The following ACAP2 variants were observed in gnomAD, a reference collection of about 807,000 sequenced individuals.
ACAP2 encodes the protein arf-GAP with coiled-coil, ANK repeat and PH domain-containing protein 2.
ACAP2 carries 39 observed loss-of-function variants against 115.8 expected under a neutral mutation model. The ratio of observed to expected loss-of-function variants is 0.34; its 90% CI spans 0.26 to 0.44. ACAP2 has a LOEUF of 0.44. Ranked by LOEUF, ACAP2 falls within the 20% of genes least tolerant of loss-of-function variation. The probability of loss-of-function intolerance (pLI) is 1.00; values close to 1 mark genes in which losing one functional copy is unlikely to be tolerated. For synonymous variants in ACAP2, 289 were observed against 315.8 expected, an observed-to-expected ratio of 0.92 and a Z score of 0.90; for missense variants, 662 against 927.6, an observed-to-expected ratio of 0.71 and a Z score of 3.72.
At chr3:195,360,616 G>T (rs909491874) in intron 4 of ACAP2, among the ~76,000 whole-genome samples, 1 of 152,142 alleles carries the variant, frequency 6.6e-6, no homozygotes, top group African/African-American at 2.4e-5. Context: ...CCAACATGGT[G>T]AAACCCCATT....
intron 10 of ACAP2, among the ~76,000 whole-genome samples, chr3:195,311,452 T>C (rs1728764457): frequency 1.3e-5 from 2 of 152,004 alleles, no homozygotes. Flanking sequence ...AAACAGCTCA[T>C]GGACTGTGAA....
At chr3:195,414,661 AAAATGCTAC>A (rs1713566839) in intron 1 of ACAP2, among the ~76,000 whole-genome samples, 1 of 152,330 alleles carries the variant, frequency 6.6e-6, no homozygotes, top group Non-Finnish European at 1.5e-5. Context: ...TAGAAAACAC[AAAATGCTAC>A]AAAATCTGAG....
intron 8 of ACAP2, among the ~76,000 whole-genome samples, chr3:195,329,228 T>C (rs763819445): frequency 6.6e-6 from 1 of 152,060 alleles, no homozygotes; most frequent in Non-Finnish European, 1.5e-5. Context: ...AGGCATGAGT[T>C]GGGGAAATGT....
At chr3:195,305,218 T>C (rs887260770) in intron 13 of ACAP2, among the ~76,000 whole-genome samples, 1 of 152,104 alleles carries the variant, frequency 6.6e-6, no homozygotes, top group Admixed American at 6.6e-5. Context: ...ACTGAGAAGA[T>C]TTCCCAGAAA....
chr3:195,378,360 C>CGG (rs1733709550), intron 4 of ACAP2, among the ~76,000 whole-genome samples: 1 of 152,066 alleles, frequency 6.6e-6, no homozygotes, highest in Non-Finnish European at 1.5e-5. Context: ...GGCGTGGTGG[C>CGG]ACGTCCCTAT....
rs1405389319 is a variant in ACAP2 at position 195,277,604 on chromosome 3, G to A, written c.*1724C>T. 5.9e-5 allele frequency: 9 copies of A among 152,076 alleles called. No homozygotes were observed. The allele number at this position is 152,076 out of a possible 1,614,324, so 9.4% of individuals were successfully genotyped here. A position where few individuals can be genotyped will look rare whatever the true frequency, so the allele number is the denominator to read the frequency against. On this transcript the variant is annotated 3_prime_UTR_variant, in exon 23 of 23. Coordinates refer to ENST00000326793, the MANE Select transcript of ACAP2 (RefSeq NM_012287.6). Reference sequence around the variant, plus strand: ...TTCCTGCTTGGCTAGATTCTGATTTGATGTTTAATCAACTTATAAAACCCT... The same window carrying A: ...TTCCTGCTTGGCTAGATTCTGATTTAATGTTTAATCAACTTATAAAACCCT...
intron 1 of ACAP2, among the ~76,000 whole-genome samples, chr3:195,419,178 A>G (rs1159867844): frequency 6.6e-6 from 1 of 152,198 alleles, no homozygotes; most frequent in Non-Finnish European, 1.5e-5. Flanking sequence ...GTCTAATTTT[A>G]GAACATTTCA....
intron 1 of ACAP2, 70 bp downstream of exon 1, chr3:195,442,725 G>C: frequency 6.8e-7 from 1 of 1,481,258 alleles, no homozygotes; most frequent in Non-Finnish European, 9.1e-7. Context: ...CGGGTGCGCG[G>C]GCCCGGCTTT....
intron 1 of ACAP2, among the ~76,000 whole-genome samples, chr3:195,404,607 A>T (rs889887376): frequency 2.6e-5 from 4 of 151,818 alleles, no homozygotes; most frequent in Admixed American, 2.6e-4. Flanking sequence ...GATGAAAAAG[A>T]AATCTTCATT....
At chr3:195,413,050 A>T (rs1306910352) in intron 1 of ACAP2, 1 of 270,992 alleles carries the variant, frequency 3.7e-6, no homozygotes, top group East Asian at 8.1e-5. Context: ...TTTAAGAAAA[A>T]TTAAAATATT....
chr3:195,408,760 T>C (rs183994453), intron 1 of ACAP2, among the ~76,000 whole-genome samples: 157 of 152,278 alleles, frequency 1.0e-3, no homozygotes, highest in Non-Finnish European at 1.6e-3. Flanking sequence ...CATGACCTAG[T>C]AGAATTTATT....
At chr3:195,402,659 G>A (rs373666837) in intron 1 of ACAP2, among the ~76,000 whole-genome samples, 3 of 152,022 alleles carry the variant, frequency 2.0e-5, no homozygotes, top group Admixed American at 6.6e-5. Context: ...GCTCTACCAC[G>A]AGCACAAAAT....
chr3:195,295,888 C>G lies in ACAP2; in HGVS notation c.1492G>C (p.Glu498Gln). 1.2e-6 allele frequency: 2 copies of G among 1,607,796 alleles called. No individual in the cohort carries two copies. The highest frequency in any genetic ancestry group is 8.5e-7 in the Non-Finnish European group (1 of 1,177,570). ...TTTGCTCTGATATATGCCTCCTTCT[C>G]CTGTCTGACAGACATAAAAATGTCA... ...IKKPQPGQRQ[E>Q]KEAYIRAKYV... The change falls in exon 17 of 23, where the codon GAG becomes CAG. Residue 498 changes from glutamate (E) to glutamine (Q), a missense_variant. Coordinates refer to ENST00000326793, the MANE Select transcript of ACAP2 (RefSeq NM_012287.6).
rs1206317192 is a variant in ACAP2, at chr3:195,295,913, A to G, written c.1488-21T>C. 4 of 1,592,064 alleles carry G rather than the reference A, an allele frequency of 2.5e-6. No individual in the cohort carries two copies. The South Asian group carries it at 4.6e-5, about 18-fold the overall frequency. ...CCTGTCTGACAGACATAAAAATGTC[A>G]TGATGTTTTGCTTAATCTCTCAGCA... On this transcript the variant is annotated intron_variant, in intron 16 of 22. Transcript: ENST00000326793.
chr3:195,342,775 C>A, intron 5 of ACAP2, 121 bp from the exon 6 acceptor site: 2 of 665,028 alleles, frequency 3.0e-6, no homozygotes, highest in South Asian at 4.0e-5. Flanking sequence ...GTGGGTGGAT[C>A]ATGAGGTCAA....
intron 21 of ACAP2, among the ~76,000 whole-genome samples, chr3:195,288,004 G>A (rs1286628466): frequency 6.6e-6 from 1 of 152,080 alleles, no homozygotes; most frequent in Non-Finnish European, 1.5e-5. Flanking sequence ...AGGAGGCTGA[G>A]GAGGGAGAAT....
intron 2 of ACAP2, among the ~76,000 whole-genome samples, chr3:195,386,428 C>T (rs956002501): frequency 7.9e-5 from 12 of 151,910 alleles, no homozygotes; most frequent in Admixed American, 7.9e-4. Context: ...AAGAGGAATA[C>T]ATTGAAGTGT....
chr3:195,419,239 C>T (rs577365539), intron 1 of ACAP2, among the ~76,000 whole-genome samples: 4 of 152,296 alleles, frequency 2.6e-5, no homozygotes, highest in African/African-American at 9.6e-5. Context: ...CCCATTACCT[C>T]TTTCCCTGCG....
chr3:195,370,952 CAAAAAAA>C (rs35365512), intron 4 of ACAP2, among the ~76,000 whole-genome samples: 19 of 104,326 alleles, frequency 1.8e-4, no homozygotes, highest in Non-Finnish European at 2.8e-4. Flanking sequence ...AACTCTGTCT[CAAAAAAA>C]AAAAAAAAAA....
Sources: gnomAD v4.1 joint callset for allele counts (sites outside exome capture counted in the v4.1 genomes callset) on GRCh38, gnomAD v4.1.1 for gene constraint, MANE v1.5 for transcripts, NCBI Gene and HGNC (gene_info 2026-07-23, HGNC 2026-07-21) for gene names.